HNRNPR: variants seen among roughly 807,000 people sequenced by gnomAD.
HNRNPR encodes heterogeneous nuclear ribonucleoprotein R.
Under a neutral mutation model 70.3 loss-of-function variants are expected in HNRNPR, and 4 were observed. That is an observed-to-expected ratio of 0.06 (90% CI 0.03 to 0.13). The LOEUF (loss-of-function observed/expected upper bound fraction) is 0.13, where lower values mean the gene tolerates loss of function less well. Ranked by LOEUF, HNRNPR falls within the 10% of genes least tolerant of loss-of-function variation. The probability of loss-of-function intolerance (pLI) is 1.00; values close to 1 mark genes in which losing one functional copy is unlikely to be tolerated. For synonymous variants in HNRNPR, 241 were observed against 267.6 expected (o/e 0.90, Z 0.97); for missense variants, 423 against 788.5 (o/e 0.54, Z 5.55).
intron 6 of HNRNPR, among the ~76,000 whole-genome samples, chr1:23,322,788 G>A (rs1339952330): frequency 1.3e-5 from 2 of 152,198 alleles, no homozygotes; most frequent in African/African-American, 4.8e-5. Context: ...ACTAGACTTA[G>A]TGAGGTCCTC....
intron 4 of HNRNPR, among the ~76,000 whole-genome samples, chr1:23,335,288 G>A (rs745499203): frequency 4.1e-4 from 63 of 152,338 alleles, no homozygotes; most frequent in Middle Eastern, 3.4e-3. Flanking sequence ...TGAACACTAG[G>A]ATTTCACAGG....
Position 23,324,493 on chromosome 1 carries a change from G to A in HNRNPR, c.499-761C>T, listed in dbSNP as rs536615739. On this transcript the variant is annotated intron_variant, in intron 5 of 10. Transcript: ENST00000302271. ...TGAGGCAGGAGAATGGCGTGAGCCC[G>A]GGAGGTGGAGCTTGCAGCGAGCCGA... 7.9e-5 allele frequency among the ~76,000 whole-genome samples: 12 copies of A among 152,188 alleles called. No homozygotes were observed. The South Asian group carries it at 8.3e-4, about 11-fold the overall frequency.
intron 4 of HNRNPR, 150 bp from the exon 5 acceptor site, chr1:23,333,781 C>G (rs780949340): frequency 1.1e-5 from 6 of 557,680 alleles, no homozygotes; most frequent in Non-Finnish European, 1.9e-5. Flanking sequence ...CGCACTGGTT[C>G]CCCATACATG....
At chr1:23,331,085 G>GAC (rs1415723652) in intron 5 of HNRNPR, among the ~76,000 whole-genome samples, 1 of 152,150 alleles carries the variant, frequency 6.6e-6, no homozygotes, top group Non-Finnish European at 1.5e-5. Context: ...GTGATTGCTT[G>GAC]ACAGGAGTGG....
intron 6 of HNRNPR, 108 bp from the exon 7 acceptor site, chr1:23,321,771 AACTCACCAAGTT>A: frequency 4.8e-6 from 5 of 1,041,918 alleles, no homozygotes; most frequent in Non-Finnish European, 6.9e-6. Context: ...CTGCTTCATC[AACTCACCAAGTT>A]CCCTCATGCT....
chr1:23,324,472 G>A (rs1645882734), intron 5 of HNRNPR, among the ~76,000 whole-genome samples: 1 of 152,166 alleles, frequency 6.6e-6, no homozygotes, highest in African/African-American at 2.4e-5. Context: ...GGAGGCTGAG[G>A]CAGGAGAATG....
chr1:23,323,184 A>AGCCC (rs202188413), intron 6 of HNRNPR, among the ~76,000 whole-genome samples: 2,067 of 152,322 alleles, frequency 0.014, 16 homozygotes, highest in Non-Finnish European at 0.02. Context: ...TGTTCCCCAC[A>AGCCC]GCCCATTCCA....
Sources: allele counts gnomAD v4.1 joint callset (sites outside exome capture counted in the v4.1 genomes callset), GRCh38; gene constraint gnomAD v4.1.1; transcripts MANE v1.5; gene names NCBI Gene and HGNC (gene_info 2026-07-23, HGNC 2026-07-21).